MADD: variants seen among roughly 807,000 people sequenced by gnomAD.
MADD encodes the protein MAP kinase activating death domain.
MADD carries 109 observed loss-of-function variants against 176.7 expected under a neutral mutation model. The ratio of observed to expected loss-of-function variants is 0.62; its 90% CI spans 0.53 to 0.72. The LOEUF is 0.72. Among genes scored for constraint, MADD ranks in the 30% least tolerant of loss-of-function variants. MADD has a pLI of 0.00. For synonymous variants in MADD, 771 were observed against 771.3 expected (o/e 1.00, Z 0.01); for missense variants, 1,914 against 2,045.5 (o/e 0.94, Z 1.24).
At chr11:47,292,698 G>T in intron 19 of MADD, 102 bp downstream of exon 21, 1 of 1,144,028 alleles carries the variant, frequency 8.7e-7, no homozygotes, top group Non-Finnish European at 1.3e-6. Context: ...CCCCAAATTT[G>T]CTCTTAGAGC....
intron 27 of MADD, among the ~76,000 whole-genome samples, chr11:47,319,931 C>T (rs1463736339): frequency 7.3e-6 from 1 of 136,642 alleles, no homozygotes; most frequent in African/African-American, 2.8e-5. Flanking sequence ...GCGGAGGTTG[C>T]AGTGAGCCGA....
At position 47,282,837 on chromosome 11, in the gene MADD, G is replaced by A; in HGVS notation, c.1730G>A (p.Gly577Asp). Residue 577 changes from glycine (G) to aspartate (D), a missense_variant, in exon 10 of 33, where the codon GGT (glycine) becomes GAT (aspartate). By Grantham distance (94) the Gly-to-Asp change is moderately conservative. This residue lies in a region of MADD where 1,767 missense variants were observed against 1,836.0 expected (regional missense o/e 0.96). Coordinates refer to ENST00000402192, the Ensembl canonical transcript of MADD. ...GATATGTTTGATCCAGCCCTGATTG[G>A]TGACAAGCCAAAGTGGTATGCTCAT... 1 of 1,614,054 alleles carries A rather than the reference G, an allele frequency of 6.2e-7. No individual in the cohort carries two copies. The highest frequency in any genetic ancestry group is 8.5e-7 in the Non-Finnish European group (1 of 1,179,990).
intron 19 of MADD, among the ~76,000 whole-genome samples, chr11:47,292,182 A>C (rs2065900902): frequency 6.6e-6 from 1 of 152,112 alleles, no homozygotes; most frequent in Non-Finnish European, 1.5e-5. Context: ...GCATGGTGGG[A>C]GTTTAAATGG....
Position 47,284,584 on chromosome 11 carries a change from A to AT in MADD, c.2157+20dup, listed in dbSNP as rs1197512776. 1 of 1,610,990 alleles carries AT rather than the reference A, an allele frequency of 6.2e-7. No homozygotes were observed. The highest frequency in any genetic ancestry group is 1.7e-5 in the Admixed American group (1 of 59,660). On this transcript the variant is annotated intron_variant, in intron 12 of 32. Coordinates refer to ENST00000402192, the Ensembl canonical transcript of MADD. ...CAACTCTGTAAGTGAGGAGCGGTGG[A>AT]TGAGTGAGAACCATGGCCTGGGATG...
intron 22 of MADD, among the ~76,000 whole-genome samples, chr11:47,306,455 A>C (rs2082717203): frequency 1.3e-5 from 2 of 152,200 alleles, no homozygotes; most frequent in South Asian, 2.1e-4. Context: ...TGGAGGGAGC[A>C]CAGCTGTATG....
chr11:47,276,645 G>A, intron 4 of MADD, 87 bp from the exon 5 acceptor site: 1 of 1,527,994 alleles, frequency 6.5e-7, no homozygotes, highest in Non-Finnish European at 9.0e-7. Context: ...TCGATGAAGT[G>A]GAAACCAAGT....
chr11:47,284,116 A>G (rs1298234023), intron 10 of MADD, 62 bp from the exon 11 acceptor site: 1 of 1,072,284 alleles, frequency 9.3e-7, no homozygotes, highest in African/African-American at 1.6e-5. Context: ...CCTGGTGCTG[A>G]TTGTAGGTGT....
At chr11:47,326,650 T>G in intron 30 of MADD, 88 bp from the exon 35 acceptor site, 1 of 1,541,438 alleles carries the variant, frequency 6.5e-7, no homozygotes. Context: ...TTTCTTTGTG[T>G]GGGTGGGGCT....
At chr11:47,326,437 C>T (rs1175104573) in intron 30 of MADD, 107 bp from the exon 34 acceptor site, 52 of 858,156 alleles carry the variant, frequency 6.1e-5, no homozygotes, top group Non-Finnish European at 2.9e-5. Flanking sequence ...CTGCCCTGGG[C>T]AGAGGGTACG....
exon 17 of MADD, chr11:47,289,941 A>C: frequency 6.2e-7 from 1 of 1,614,140 alleles, no homozygotes; most frequent in Non-Finnish European, 8.5e-7. Context: ...CTCAACATGA[A>C]AAAGGTGCGC....
At chr11:47,277,159 C>A (rs1263150539) in intron 5 of MADD, among the ~76,000 whole-genome samples, 1 of 152,210 alleles carries the variant, frequency 6.6e-6, no homozygotes. Flanking sequence ...CCAAGACCCA[C>A]CAGTGGATGC....
intron 30 of MADD, among the ~76,000 whole-genome samples, chr11:47,326,088 G>A (rs935083652): frequency 2.0e-5 from 3 of 152,094 alleles, no homozygotes; most frequent in Admixed American, 6.5e-5. Context: ...CAGCTTCCAC[G>A]TTCATGGGCA....
intron 15 of MADD, among the ~76,000 whole-genome samples, chr11:47,286,835 G>A (rs1309265826): frequency 6.6e-6 from 1 of 152,196 alleles, no homozygotes; most frequent in Non-Finnish European, 1.5e-5. Context: ...GCTGCCCCCA[G>A]TCGTCTGCTG....
chr11:47,285,597 G>A lies in MADD; in HGVS notation c.2551+7G>A, dbSNP rs766859155. Reference sequence around the variant, plus strand: ...GGCATCATGTCTTTTGCCAGTAAGTGCCTTCAGCTGTCTCTCTCACTCCTG... The same window carrying A: ...GGCATCATGTCTTTTGCCAGTAAGTACCTTCAGCTGTCTCTCTCACTCCTG... On this transcript the variant is annotated splice_region_variant and intron_variant, in intron 14 of 32. Coordinates refer to ENST00000402192, the Ensembl canonical transcript of MADD. 4 of 1,613,816 alleles carry A rather than the reference G, an allele frequency of 2.5e-6. No individual in the cohort carries two copies. The highest frequency in any genetic ancestry group is 2.2e-5 in the East Asian group (1 of 44,896).
chr11:47,308,693 C>T (rs1294169913), exon 23 of MADD: 1 of 1,613,144 alleles, frequency 6.2e-7, no homozygotes, highest in Non-Finnish European at 8.5e-7. Flanking sequence ...CTATGAGGGA[C>T]TCCTAGGTGA....
At chr11:47,274,590 G>C (rs1476820518) in exon 3 of MADD, 2 of 1,613,508 alleles carry the variant, frequency 1.2e-6, no homozygotes, top group Admixed American at 1.7e-5. Flanking sequence ...GCGTGGCCCA[G>C]ACTCCTGAAT....
chr11:47,308,065 G>A (rs1022425814), intron 22 of MADD, among the ~76,000 whole-genome samples: 2 of 152,232 alleles, frequency 1.3e-5, no homozygotes, highest in Non-Finnish European at 2.9e-5. Context: ...AAGAAGAAAT[G>A]AACATTTCTC....
At position 47,279,422 on chromosome 11, in the gene MADD, TCC is replaced by T. The variant is rs370318196; in HGVS notation, c.1290+346_1290+347del. ...TTTTGAGATGTGGAGTCTTGCTCTG[TCC>T]CCTAGGCTGGAGTGCAGTGGCGCGA... is the stretch of plus-strand genomic sequence containing the variant. On this transcript the variant is annotated intron_variant, in intron 7 of 32. Transcript: ENST00000402192. 1.0e-4 allele frequency among the ~76,000 whole-genome samples: 15 copies of T among 149,122 alleles called. No homozygotes were observed. In the East Asian group the frequency reaches 1.6e-3, roughly 16 times the overall value.
chr11:47,290,935 A>G (rs1015831667), intron 19 of MADD, 119 bp downstream of exon 20: 11 of 797,276 alleles, frequency 1.4e-5, no homozygotes, highest in African/African-American at 1.2e-4. Context: ...TAGAGAGGGA[A>G]GGGGGCCTGT....
Sources: allele counts gnomAD v4.1 joint callset (sites outside exome capture counted in the v4.1 genomes callset), GRCh38; gene constraint gnomAD v4.1.1; regional missense constraint gnomAD v4.1.1; transcripts MANE v1.5; gene names NCBI Gene and HGNC (gene_info 2026-07-23, HGNC 2026-07-21).